MTFR1: variants seen among roughly 807,000 people sequenced by gnomAD.
MTFR1 encodes the protein chondrocyte protein with a poly-proline region.
MTFR1 carries 28 observed loss-of-function variants against 38.8 expected under a neutral mutation model. The ratio of observed to expected loss-of-function variants is 0.72; its 90% CI spans 0.53 to 0.99. The LOEUF (loss-of-function observed/expected upper bound fraction) is 0.99, where lower values mean the gene tolerates loss of function less well. MTFR1 is among the 50% of genes least tolerant of loss of function. The pLI is 0.00. For synonymous variants in MTFR1, 145 were observed against 137.0 expected (o/e 1.06, Z -0.41); for missense variants, 358 against 395.5 (o/e 0.91, Z 0.81).
chr8:65,758,430 T>C (rs2128912785), intron 3 of MTFR1, among the ~76,000 whole-genome samples: 1 of 152,330 alleles, frequency 6.6e-6, no homozygotes, highest in Non-Finnish European at 1.5e-5. Flanking sequence ...ACAGTTGTTA[T>C]ACTAGTGCAC....
intron 4 of MTFR1, among the ~76,000 whole-genome samples, chr8:65,701,981 C>A (rs1805621968): frequency 6.6e-6 from 1 of 152,178 alleles, no homozygotes; most frequent in Non-Finnish European, 1.5e-5. Context: ...AACTGATAAA[C>A]ATATGTTATT....
At chr8:65,662,701 C>A (rs1371730504) in intron 1 of MTFR1, among the ~76,000 whole-genome samples, 1 of 141,874 alleles carries the variant, frequency 7.0e-6, no homozygotes, top group East Asian at 2.0e-4. Context: ...AGCCCCTCCG[C>A]CCGGCAGCCA....
At chr8:65,663,822 CTTTTTTTTTT>C (rs1035579864) in intron 1 of MTFR1, among the ~76,000 whole-genome samples, 2 of 78,578 alleles carry the variant, frequency 2.5e-5, no homozygotes, top group African/African-American at 4.7e-5. Context: ...AATTTCTTTT[CTTTTTTTTTT>C]TTTTTTTTTT....
intron 4 of MTFR1, among the ~76,000 whole-genome samples, chr8:65,703,228 G>GA (rs1805667883): frequency 6.6e-6 from 1 of 151,260 alleles, no homozygotes; most frequent in Non-Finnish European, 1.5e-5. Flanking sequence ...AAAGAGAAAA[G>GA]AAAAAAATTA....
intron 3 of MTFR1, among the ~76,000 whole-genome samples, chr8:65,736,567 A>C (rs1233909030): frequency 6.6e-6 from 1 of 152,008 alleles, no homozygotes; most frequent in South Asian, 2.1e-4. Context: ...AGCCTAGGCC[A>C]TTAGCAAGAC....
chr8:65,690,112 A>G (rs1805228089), intron 3 of MTFR1, among the ~76,000 whole-genome samples: 1 of 144,158 alleles, frequency 6.9e-6, no homozygotes, highest in Non-Finnish European at 1.5e-5. Context: ...TATGTTTAAC[A>G]TATTAATTTT....
chr8:65,658,378 A>G (rs933002040), intron 1 of MTFR1, among the ~76,000 whole-genome samples: 5 of 152,212 alleles, frequency 3.3e-5, no homozygotes, highest in African/African-American at 4.8e-5. Flanking sequence ...ATTATTTTCA[A>G]TTTGACTGCT....
At chr8:65,750,494 G>GTC (rs1563487004) in intron 3 of MTFR1, among the ~76,000 whole-genome samples, 1 of 144,770 alleles carries the variant, frequency 6.9e-6, no homozygotes, top group Non-Finnish European at 1.5e-5. Flanking sequence ...GTGTGTGTGT[G>GTC]TGTGTGTGTC....
At chr8:65,724,365 CATT>C in intron 3 of MTFR1, 1 of 1,580,396 alleles carries the variant, frequency 6.3e-7, no homozygotes. Context: ...GCAAACAAAA[CATT>C]AATATTGTTT....
chr8:65,750,698 A>G (rs185465435), intron 3 of MTFR1, among the ~76,000 whole-genome samples: 2 of 152,266 alleles, frequency 1.3e-5, no homozygotes, highest in African/African-American at 4.8e-5. Flanking sequence ...CTGGGAGCCA[A>G]GGCCCCAACC....
intron 3 of MTFR1, among the ~76,000 whole-genome samples, chr8:65,757,764 G>A (rs944995529): frequency 3.3e-5 from 5 of 152,176 alleles, no homozygotes; most frequent in South Asian, 2.1e-4. Context: ...GACTACAGAC[G>A]TGTGCCACCA....
chr8:65,704,860 G>C lies in MTFR1; in HGVS notation c.448G>C (p.Glu150Gln). The stretch of plus-strand genomic sequence containing the variant: ...GCAGAAGATTTGCGCTCTCGAAAAT[G>C]AACTTGCTGCTCTCAGAGCTCAGAT... ...ALQKICALEN[E>Q]LAALRAQIAK... is the part of the protein sequence containing the mutation. The change falls in exon 5 of 8, where the codon GAA (glutamate) becomes CAA (glutamine). Residue 150 changes from glutamate to glutamine, a missense_variant. Glu to Gln is a conservative substitution (Grantham distance 29). Transcript: ENST00000262146. The C allele has an allele frequency of 6.2e-7, 1 of 1,613,450 alleles. No individual in the cohort carries two copies. The highest frequency in any genetic ancestry group is 8.5e-7 in the Non-Finnish European group (1 of 1,179,706).
Position 65,739,456 on chromosome 8 carries a change from G to A in MTFR1, c.*48+19975G>A, listed in dbSNP as rs761675743. On this transcript the variant is annotated intron_variant, in intron 3 of 3. Coordinates refer to the MTFR1 transcript ENST00000521247. The stretch of plus-strand genomic sequence containing the variant: ...TGAGATAAAACTTAAACAGGTTCTT[G>A]TATAAATGTAAATCTTGTTACTGTT... 6 of 1,505,476 alleles carry A rather than the reference G, an allele frequency of 4.0e-6. No individual in the cohort carries two copies. The East Asian group carries it at 1.5e-4, about 38-fold the overall frequency. The allele number at this position is 1,505,476 out of a possible 1,614,324, so 93.3% of individuals were successfully genotyped here.
At chr8:65,732,593 C>G (rs1806947106) in intron 3 of MTFR1, among the ~76,000 whole-genome samples, 1 of 152,144 alleles carries the variant, frequency 6.6e-6, no homozygotes, top group African/African-American at 2.4e-5. Flanking sequence ...TCACTACTCT[C>G]TGCTGGACCT....
intron 3 of MTFR1, among the ~76,000 whole-genome samples, chr8:65,728,968 A>G (rs1172719632): frequency 1.3e-5 from 2 of 152,310 alleles, no homozygotes; most frequent in Admixed American, 6.5e-5. Context: ...ACATGCAAAA[A>G]AATATTTGAT....
rs1324409276 is a variant in MTFR1, at chr8:65,704,945, A to G, written c.517+16A>G. 1.3e-6 allele frequency: 2 copies of G among 1,553,780 alleles called. No homozygotes were observed. Among genetic ancestry groups the G allele is most frequent in the Non-Finnish European group, 1.7e-6 (2 of 1,143,710 alleles). The stretch of plus-strand genomic sequence containing the variant: ...CTCACTGCAGGTCTGTAAGTCCTAC[A>G]TTTGTTAGTTTTAACTTGCAAACTA... On this transcript the variant is annotated intron_variant, in intron 5 of 7. Coordinates refer to ENST00000262146, the MANE Select transcript of MTFR1 (RefSeq NM_014637.4).
intron 3 of MTFR1, among the ~76,000 whole-genome samples, chr8:65,691,616 G>A (rs1805279797): frequency 6.6e-6 from 1 of 152,000 alleles, no homozygotes; most frequent in Middle Eastern, 3.2e-3. Flanking sequence ...TTAGATACTC[G>A]ATGTTCTTAG....
chr8:65,729,378 T>C (rs1228099335), intron 3 of MTFR1, among the ~76,000 whole-genome samples: 2 of 149,950 alleles, frequency 1.3e-5, no homozygotes, highest in Non-Finnish European at 3.0e-5. Context: ...TTTTTTTTTT[T>C]TTTTTTTTTG....
At chr8:65,724,111 T>C (rs1273017628) in intron 3 of MTFR1, 3 of 558,046 alleles carry the variant, frequency 5.4e-6, no homozygotes, top group Non-Finnish European at 9.6e-6. Flanking sequence ...TTGTATTGAT[T>C]AGATGTATAT....
Sources: gnomAD v4.1 joint callset for allele counts (sites outside exome capture counted in the v4.1 genomes callset) on GRCh38, gnomAD v4.1.1 for gene constraint, MANE v1.5 for transcripts, NCBI Gene and HGNC (gene_info 2026-07-23, HGNC 2026-07-21) for gene names.